ERICH5: variants seen among roughly 807,000 people sequenced by gnomAD.
ERICH5 encodes glutamate-rich protein 5.
ERICH5 carries 24 observed loss-of-function variants against 28.0 expected under a neutral mutation model. That is an observed-to-expected ratio of 0.86 (90% CI 0.62 to 1.21). ERICH5 has a LOEUF of 1.21. ERICH5 is among the 50% of genes most tolerant of loss of function. The pLI, the probability that ERICH5 is intolerant of heterozygous loss-of-function variation, is 0.00. For missense variants in ERICH5, 421 were observed against 441.2 expected (o/e 0.95, Z 0.41); for synonymous variants, 163 against 157.6 (o/e 1.03, Z -0.25).
At chr8:98,073,352 C>A (rs1265923023) in intron 1 of ERICH5, among the ~76,000 whole-genome samples, 1 of 144,976 alleles carries the variant, frequency 6.9e-6, no homozygotes, top group African/African-American at 2.5e-5. Context: ...AGGCAGGAAG[C>A]TTGCTCTTTA....
chr8:98,068,451 G>A lies in ERICH5; in HGVS notation c.58+3724G>A, dbSNP rs1814856462. On this transcript the variant is annotated intron_variant, in intron 1 of 2. Transcript: ENST00000318528. ...TTTTATGACGTGCCCTGAAATGTGT[G>A]AGGAAAGAGACTTTTCATTCCAAAG... Among the ~76,000 whole-genome samples the A allele has an allele frequency of 5.3e-5, 8 of 152,340 alleles. No individual in the cohort carries two copies. The South Asian group carries it at 1.7e-3, about 32-fold the overall frequency.
At chr8:98,079,022 C>T (rs780045537) in intron 1 of ERICH5, among the ~76,000 whole-genome samples, 7 of 152,054 alleles carry the variant, frequency 4.6e-5, no homozygotes, top group African/African-American at 9.7e-5. Flanking sequence ...CAAAATCATA[C>T]GGACAGAGTG....
Position 98,064,729 on chromosome 8 carries a change from T to C in ERICH5, c.58+2T>C. ...GCGACAGCAGCAGGTTCCCCAGCGG[T>C]GAGCAGGGTACCGGCGCCGCCCGCG... On this transcript the variant is annotated splice_donor_variant, in intron 1 of 2. Transcript: ENST00000318528. LOFTEE classifies it high-confidence loss of function. The C allele has an allele frequency of 6.5e-7, 1 of 1,529,568 alleles. No homozygotes were observed. Among genetic ancestry groups the C allele is most frequent in the South Asian group, 1.2e-5 (1 of 83,192 alleles). The allele number at this position is 1,529,568 out of a possible 1,614,324, so 94.7% of individuals were successfully genotyped here. A position where few individuals can be genotyped will look rare whatever the true frequency, so the allele number is the denominator to read the frequency against.
At chr8:98,080,002 T>C (rs149842926) in intron 1 of ERICH5, among the ~76,000 whole-genome samples, 221 of 152,334 alleles carry the variant, frequency 1.5e-3, no homozygotes, top group African/African-American at 5.0e-3. Context: ...CTATAATTTA[T>C]TGACAGGTCA....
Position 98,089,273 on chromosome 8 carries a change from A to G in ERICH5, c.256A>G (p.Lys86Glu), listed in dbSNP as rs773979951. The change falls in exon 2 of 3, where the codon AAG becomes GAG. Residue 86 changes from lysine to glutamate, a missense_variant. Transcript: ENST00000318528. ...ACCCCTCCAAGAACAGCCCCTGGCCAAGGACGTAGCCCCTGGAAGGGATGC... is the reference window on the plus strand; with the variant it reads ...ACCCCTCCAAGAACAGCCCCTGGCCGAGGACGTAGCCCCTGGAAGGGATGC... The part of the protein sequence containing the change: ...VKPLQEQPLA[K>E]DVAPGRDATD... The G allele has an allele frequency of 1.2e-6, 2 of 1,614,222 alleles. No individual in the cohort carries two copies. The highest frequency in any genetic ancestry group is 2.2e-5 in the South Asian group (2 of 91,084).
intron 1 of ERICH5, among the ~76,000 whole-genome samples, chr8:98,076,299 C>A (rs1815053383): frequency 6.6e-6 from 1 of 151,576 alleles, no homozygotes; most frequent in South Asian, 2.1e-4. Flanking sequence ...AGTGATTCGC[C>A]CACCTTGGCC....
intron 1 of ERICH5, among the ~76,000 whole-genome samples, chr8:98,080,601 TCTTCTC>T (rs1255429586): frequency 1.3e-5 from 2 of 151,788 alleles, no homozygotes; most frequent in Admixed American, 6.6e-5. Flanking sequence ...TCCTTCACCT[TCTTCTC>T]CTTCTCCTTC....
intron 1 of ERICH5, among the ~76,000 whole-genome samples, chr8:98,080,041 A>G (rs1815147502): frequency 6.6e-6 from 1 of 152,174 alleles, no homozygotes; most frequent in South Asian, 2.1e-4. Context: ...ACTTTGTACA[A>G]TTAGAAAGAG....
chr8:98,070,946 C>G (rs1586198067), intron 1 of ERICH5, among the ~76,000 whole-genome samples: 2 of 152,064 alleles, frequency 1.3e-5, no homozygotes, highest in Admixed American at 6.5e-5. Flanking sequence ...CACTGTAAAA[C>G]AACGCTTGAT....
At chr8:98,087,912 G>A (rs777421532) in intron 1 of ERICH5, among the ~76,000 whole-genome samples, 16 of 151,658 alleles carry the variant, frequency 1.1e-4, no homozygotes, top group Non-Finnish European at 2.2e-4. Context: ...TTGTTTTCTA[G>A]CTTTTGCTGC....
chr8:98,076,687 G>A (rs2130517302), intron 1 of ERICH5, among the ~76,000 whole-genome samples: 1 of 152,218 alleles, frequency 6.6e-6, no homozygotes, highest in South Asian at 2.1e-4. Flanking sequence ...GTTCAATCTA[G>A]TTCAGTCTCT....
chr8:98,086,946 G>A (rs1326380607), intron 1 of ERICH5, among the ~76,000 whole-genome samples: 21 of 128,148 alleles, frequency 1.6e-4, no homozygotes, highest in Admixed American at 5.1e-4. Context: ...GCAAGACTCC[G>A]TCTCAAAAAA....
intron 1 of ERICH5, among the ~76,000 whole-genome samples, chr8:98,085,405 C>T (rs1315931450): frequency 6.6e-6 from 1 of 151,916 alleles, no homozygotes; most frequent in Admixed American, 6.6e-5. Context: ...CCTCGTGATC[C>T]GCCCACTTCG....
At chr8:98,079,153 C>CTTTCTTTTTTCCTTTTTTTTTTTTTT (rs1815119612) in intron 1 of ERICH5, among the ~76,000 whole-genome samples, 1 of 132,408 alleles carries the variant, frequency 7.6e-6, no homozygotes. Flanking sequence ...ACATTTTCCT[C>CTTTCTTTTTTCCTTTTTTTTTTTTTT]TTTTTTTTTT....
At chr8:98,081,791 G>T (rs1278451382) in intron 1 of ERICH5, among the ~76,000 whole-genome samples, 1 of 152,132 alleles carries the variant, frequency 6.6e-6, no homozygotes, top group Non-Finnish European at 1.5e-5. Flanking sequence ...AGCCAGGCAT[G>T]GTGGTGCATG....
chr8:98,079,588 G>A (rs1469965489), intron 1 of ERICH5, among the ~76,000 whole-genome samples: 3 of 152,100 alleles, frequency 2.0e-5, no homozygotes, highest in Non-Finnish European at 4.4e-5. Flanking sequence ...TGCTCAGGCT[G>A]GAGTGCAGTG....
intron 1 of ERICH5, among the ~76,000 whole-genome samples, chr8:98,079,153 CTT>C (rs59165735): frequency 6.0e-5 from 8 of 132,400 alleles, no homozygotes; most frequent in African/African-American, 1.2e-4. Context: ...ACATTTTCCT[CTT>C]TTTTTTTTTC....
intron 1 of ERICH5, among the ~76,000 whole-genome samples, chr8:98,082,152 C>T (rs150583714): frequency 5.9e-5 from 9 of 152,268 alleles, no homozygotes; most frequent in Admixed American, 5.9e-4. Context: ...GCCCTTCTAG[C>T]ATTTTCCCTA....
In ERICH5 at chr8:98,082,526, T is replaced by C. The variant is rs530170094; in HGVS notation, c.59-6550T>C. Among the ~76,000 whole-genome samples the C allele has an allele frequency of 2.0e-5, 3 of 151,434 alleles. No individual in the cohort carries two copies. In the East Asian group the frequency reaches 5.8e-4, roughly 29 times the overall value. On this transcript the variant is annotated intron_variant, in intron 1 of 2. Transcript: ENST00000318528. Reference sequence around the variant, plus strand: ...CAGGTGTGGTGGCGCATGCCTATAGTCCCAGCTACTCAGGAGGCTGAGGCA... The same window carrying C: ...CAGGTGTGGTGGCGCATGCCTATAGCCCCAGCTACTCAGGAGGCTGAGGCA...
Sources: gnomAD v4.1 joint callset for allele counts (sites outside exome capture counted in the v4.1 genomes callset) on GRCh38, gnomAD v4.1.1 for gene constraint, MANE v1.5 for transcripts, NCBI Gene and HGNC (gene_info 2026-07-23, HGNC 2026-07-21) for gene names.